The following ZNF658 variants were observed in gnomAD, a reference collection of about 807,000 sequenced individuals.
The protein encoded by ZNF658 is zinc finger protein 658.
In ZNF658, 46 loss-of-function variants were observed where a neutral mutation model predicts 78.0. The ratio of observed to expected loss-of-function variants is 0.59; its 90% CI spans 0.47 to 0.75. The LOEUF (loss-of-function observed/expected upper bound fraction) is 0.75, where lower values mean the gene tolerates loss of function less well. Among genes scored for constraint, ZNF658 ranks in the 30% least tolerant of loss-of-function variants. The pLI is 0.00. For missense variants in ZNF658, 785 were observed against 1,189.3 expected (o/e 0.66, Z 5.00); for synonymous variants, 279 against 408.4 (o/e 0.68, Z 3.82).
intron 4 of ZNF658, among the ~76,000 whole-genome samples, chr9:66,912,238 G>C (rs76483279): frequency 0.23 from 22,276 of 96,532 alleles, 2,994 homozygotes; most frequent in Middle Eastern, 0.43. Flanking sequence ...TATCCATATA[G>C]ATCAAAACAA....
rs553748647 is a variant in ZNF658, at chr9:66,909,126, T to G, written c.238+392T>G. 7.2e-4 allele frequency among the ~76,000 whole-genome samples: 110 copies of G among 152,114 alleles called. 2 individuals carry two copies. The highest frequency in any genetic ancestry group is 2.4e-3 in the African/African-American group (100 of 41,528). On this transcript the variant is annotated intron_variant, in intron 4 of 4. Coordinates refer to ENST00000621410, the MANE Select transcript of ZNF658 (RefSeq NM_033160.7). ...CAAGGACTTGGGCATTTGTGGATTT[T>G]GGTATTTAAGAGAATCCTGGAACCA...
At chr9:66,910,803 T>TAA (rs546463734) in intron 4 of ZNF658, among the ~76,000 whole-genome samples, 1 of 67,534 alleles carries the variant, frequency 1.5e-5, no homozygotes, top group African/African-American at 6.5e-5. Context: ...CCCAAAAAAT[T>TAA]AAAAAAAAAA....
At chr9:66,908,785 G>C in intron 4 of ZNF658, 51 bp downstream of exon 4, 1 of 1,540,628 alleles carries the variant, frequency 6.5e-7, no homozygotes, top group South Asian at 1.2e-5. Flanking sequence ...AGTCTTTAGA[G>C]GGAGAGCACC....
intron 6 of ZNF658, among the ~76,000 whole-genome samples, chr9:66,926,581 AATGGAAAGACATACT>A (rs1822587906): frequency 2.2e-5 from 3 of 138,712 alleles, no homozygotes; most frequent in African/African-American, 7.9e-5. Flanking sequence ...GACACAAGTA[AATGGAAAGACATACT>A]GTGTTCATAG....
chr9:66,917,299 TG>T (rs1391450378), intron 4 of ZNF658, among the ~76,000 whole-genome samples: 1 of 146,788 alleles, frequency 6.8e-6, no homozygotes, highest in African/African-American at 2.6e-5. Flanking sequence ...TACTCCACCT[TG>T]ACTGGCCCCG....
chr9:66,915,237 T>C (rs1822308529), intron 4 of ZNF658, among the ~76,000 whole-genome samples: 1 of 152,164 alleles, frequency 6.6e-6, no homozygotes, highest in Admixed American at 6.6e-5. Context: ...GTAAATATCC[T>C]TTTCACTGAC....
downstream of ZNF658, among the ~76,000 whole-genome samples, chr9:66,925,518 A>G (rs1165937308): frequency 2.6e-5 from 4 of 152,180 alleles, no homozygotes; most frequent in Non-Finnish European, 4.4e-5. Context: ...GAAACATACA[A>G]CCTACCAAGA....
rs989939137 is a variant in ZNF658, at chr9:66,931,855, G to A, written c.*55-170G>A. On this transcript the variant is annotated intron_variant and NMD_transcript_variant, in intron 6 of 6. Coordinates refer to the ZNF658 transcript ENST00000622180. The stretch of plus-strand genomic sequence containing the variant: ...CATAGTCTATTGAAGCAGTCACATT[G>A]GCATTGGGGAGATACACAAACAAAG... Among the ~76,000 whole-genome samples the A allele has an allele frequency of 9.4e-5, 14 of 149,104 alleles. No individual in the cohort carries two copies. In the South Asian group the frequency reaches 1.5e-3, roughly 16 times the overall value.
rs564741195 is a variant in ZNF658 at position 66,917,297 on chromosome 9, C to G, written c.239-508C>G. Among the ~76,000 whole-genome samples, 445 of 146,590 alleles carry G rather than the reference C, an allele frequency of 3.0e-3. 2 individuals carry two copies. Among genetic ancestry groups the G allele is most frequent in the African/African-American group, 0.01 (405 of 38,968 alleles). On this transcript the variant is annotated intron_variant, in intron 4 of 4. Coordinates refer to ENST00000621410, the MANE Select transcript of ZNF658 (RefSeq NM_033160.7). ...GGGAGGAAAGGGGTTACTACTCCAC[C>G]TTGACTGGCCCCGGAAATAATACCT...
intron 4 of ZNF658, among the ~76,000 whole-genome samples, chr9:66,915,397 TAAAAAA>T (rs200943142): frequency 7.0e-6 from 1 of 143,024 alleles, no homozygotes; most frequent in East Asian, 2.0e-4. Flanking sequence ...CTTTTATAGT[TAAAAAA>T]AAAAAAAAGA....
chr9:66,918,417 C>A lies in ZNF658; in HGVS notation c.851C>A (p.Ala284Asp). Residue 284 changes from alanine to aspartate, a missense_variant, in exon 5 of 5, where the codon GCT becomes GAT. Physicochemically the swap from Ala to Asp is moderately radical, Grantham distance 126. This residue lies in a region of ZNF658 where 393 missense variants were observed against 400.2 expected (regional missense o/e 0.98). Coordinates refer to ENST00000621410, the MANE Select transcript of ZNF658 (RefSeq NM_033160.7). The stretch of plus-strand genomic sequence containing the variant: ...GGGACATCCTGTGACAAAACCACCG[C>A]TGTTGAATACAATAAAGTTCACATG... ...EYGTSCDKTT[A>D]VEYNKVHMAM... 2 of 1,613,010 alleles carry A rather than the reference C, an allele frequency of 1.2e-6. No homozygotes were observed. Among genetic ancestry groups the A allele is most frequent in the Non-Finnish European group, 1.7e-6 (2 of 1,179,168 alleles).
intron 6 of ZNF658, among the ~76,000 whole-genome samples, chr9:66,929,898 C>A (rs1482943736): frequency 7.3e-6 from 1 of 137,760 alleles, no homozygotes; most frequent in Non-Finnish European, 1.5e-5. Context: ...ATTCTCCTGC[C>A]TCAGCCTCCT....
intron 4 of ZNF658, among the ~76,000 whole-genome samples, chr9:66,910,344 G>A (rs1822185544): frequency 6.6e-6 from 1 of 151,868 alleles, no homozygotes; most frequent in Non-Finnish European, 1.5e-5. Context: ...TAGAAGTGAA[G>A]CACAATTAAG....
chr9:66,927,594 AAAC>A (rs1270917178), intron 6 of ZNF658, among the ~76,000 whole-genome samples: 1 of 148,772 alleles, frequency 6.7e-6, no homozygotes, highest in Non-Finnish European at 1.5e-5. Context: ...TCAGATGTAG[AAAC>A]AACATTAATG....
chr9:66,932,092 TC>T (rs1214188291), exon 7 of ZNF658: 1 of 80,934 alleles, frequency 1.2e-5, no homozygotes, highest in Admixed American at 1.6e-4. Context: ...TATTTATGTC[TC>T]CCCACTGATG....
chr9:66,905,238 G>A (rs1822053272), intron 2 of ZNF658, among the ~76,000 whole-genome samples: 1 of 151,096 alleles, frequency 6.6e-6, no homozygotes, highest in Non-Finnish European at 1.5e-5. Flanking sequence ...ACCATGTCTG[G>A]CTAATTTTAG....
intron 4 of ZNF658, among the ~76,000 whole-genome samples, chr9:66,914,575 T>G: frequency 6.6e-6 from 1 of 152,196 alleles, no homozygotes; most frequent in South Asian, 2.1e-4. Context: ...TAATGTTAGT[T>G]ATAGGCTTTT....
rs770230627 is a variant in ZNF658, at chr9:66,919,686, T to C, written c.2120T>C (p.Ile707Thr). 4.3e-6 allele frequency: 7 copies of C among 1,612,836 alleles called. No homozygotes were observed. The highest frequency in any genetic ancestry group is 4.2e-6 in the Non-Finnish European group (5 of 1,179,908). ...TCAGCCCTCAAAATACATCAGAGAA[T>C]TCACACGGGGGAGAAACCCTATGAA... ...HNSALKIHQR[I>T]HTGEKPYECN... Residue 707 changes from isoleucine to threonine, a missense_variant, in exon 5 of 5, where the codon ATT becomes ACT. Coordinates refer to ENST00000621410, the MANE Select transcript of ZNF658 (RefSeq NM_033160.7).
rs772066831 is a variant in ZNF658 at position 66,918,545 on chromosome 9, A to G, written c.979A>G (p.Ser327Gly). ...TATTACAGGATGGAGTGCTTTTGAA[A>G]GCAATAAATGTGAAGAAAATTTTAG... Reference protein sequence around the residue: ...RTITGWSAFESNKCEENFSQS... With the variant: ...RTITGWSAFEGNKCEENFSQS... Residue 327 changes from serine to glycine, a missense_variant, in exon 5 of 5, where the codon AGC (serine) becomes GGC (glycine). Around this residue, in one of 12 missense-constraint regions of ZNF658, gnomAD observed 393 missense variants for 400.2 expected, o/e 0.98. Transcript: ENST00000621410. 6 of 1,607,624 alleles carry G rather than the reference A, an allele frequency of 3.7e-6. No homozygotes were observed. Among genetic ancestry groups the G allele is most frequent in the Non-Finnish European group, 5.1e-6 (6 of 1,175,156 alleles).
Sources: gnomAD v4.1 joint callset for allele counts (sites outside exome capture counted in the v4.1 genomes callset) on GRCh38, gnomAD v4.1.1 for gene constraint, gnomAD v4.1.1 regional missense constraint, MANE v1.5 for transcripts, NCBI Gene and HGNC (gene_info 2026-07-23, HGNC 2026-07-21) for gene names.